B3GALT1: variants seen among roughly 807,000 people sequenced by gnomAD.
The protein encoded by B3GALT1 is UDP-Gal:betaGlcNAc beta 1,3-galactosyltransferase, polypeptide 1.
In B3GALT1, 10 loss-of-function variants were observed where a neutral mutation model predicts 23.2. That is an observed-to-expected ratio of 0.43 (90% CI 0.27 to 0.73). B3GALT1 has a LOEUF of 0.73. Ranked by LOEUF, B3GALT1 falls within the 30% of genes least tolerant of loss-of-function variation. B3GALT1 has a pLI of 0.21. For missense variants in B3GALT1, 299 were observed against 405.4 expected (o/e 0.74, Z 2.25); for synonymous variants, 156 against 141.5 (o/e 1.10, Z -0.73).
intron 3 of B3GALT1, among the ~76,000 whole-genome samples, chr2:167,801,624 A>G (rs1222068261): frequency 6.6e-6 from 1 of 152,200 alleles, no homozygotes; most frequent in Non-Finnish European, 1.5e-5. Flanking sequence ...ATGCATTATT[A>G]AAATCTGACT....
At chr2:167,306,739 A>T (rs1198919950) in intron 1 of B3GALT1, among the ~76,000 whole-genome samples, 1 of 151,986 alleles carries the variant, frequency 6.6e-6, no homozygotes, top group Non-Finnish European at 1.5e-5. Context: ...ATTTCTCATG[A>T]TATTCTTTTT....
intron 3 of B3GALT1, among the ~76,000 whole-genome samples, chr2:167,739,234 A>T (rs1280813842): frequency 1.3e-5 from 2 of 152,180 alleles, no homozygotes; most frequent in African/African-American, 4.8e-5. Context: ...AACACCTGTA[A>T]TTTCTGAATT....
At chr2:167,839,497 A>T (rs1432632245) in intron 4 of B3GALT1, among the ~76,000 whole-genome samples, 1 of 152,216 alleles carries the variant, frequency 6.6e-6, no homozygotes, top group Non-Finnish European at 1.5e-5. Context: ...CTTCAAGGAG[A>T]ACTACAAACC....
intron 2 of B3GALT1, among the ~76,000 whole-genome samples, chr2:167,552,117 T>C (rs191284852): frequency 2.1e-4 from 32 of 152,270 alleles, no homozygotes; most frequent in African/African-American, 6.7e-4. Context: ...AAATTCTCAG[T>C]ATTGGAAGCA....
At chr2:167,706,304 C>A (rs1457333955) in intron 3 of B3GALT1, among the ~76,000 whole-genome samples, 1 of 152,124 alleles carries the variant, frequency 6.6e-6, no homozygotes, top group Admixed American at 6.5e-5. Context: ...GGATGATGTA[C>A]CTTGATTAAT....
intron 3 of B3GALT1, among the ~76,000 whole-genome samples, chr2:167,678,551 C>G (rs1686469743): frequency 6.7e-6 from 1 of 149,928 alleles, no homozygotes; most frequent in African/African-American, 2.4e-5. Flanking sequence ...TCTTACAATA[C>G]CCACCACTCA....
chr2:167,707,589 G>A (rs1686985059), intron 3 of B3GALT1, among the ~76,000 whole-genome samples: 2 of 151,876 alleles, frequency 1.3e-5, no homozygotes, highest in Admixed American at 6.6e-5. Context: ...CAGAAATGGT[G>A]GAGTCCTTCT....
chr2:167,484,443 G>C (rs1699597519), intron 1 of B3GALT1, among the ~76,000 whole-genome samples: 1 of 152,124 alleles, frequency 6.6e-6, no homozygotes, highest in African/African-American at 2.4e-5. Flanking sequence ...CATTCTAGTG[G>C]GACAGAACTT....
chr2:167,571,279 A>C (rs1227137), intron 2 of B3GALT1, among the ~76,000 whole-genome samples: 2 of 151,706 alleles, frequency 1.3e-5, no homozygotes, highest in Non-Finnish European at 3.0e-5. Context: ...ATTCTGTAGT[A>C]GGGGAATCCC....
intron 2 of B3GALT1, among the ~76,000 whole-genome samples, chr2:167,512,123 C>T (rs1700013205): frequency 6.6e-6 from 1 of 151,980 alleles, no homozygotes; most frequent in Admixed American, 6.6e-5. Flanking sequence ...CACTTTGTAT[C>T]ACAGTAAAAG....
chr2:167,763,344 T>A (rs1273108051), intron 3 of B3GALT1, among the ~76,000 whole-genome samples: 2 of 152,188 alleles, frequency 1.3e-5, no homozygotes, highest in Admixed American at 1.3e-4. Flanking sequence ...TGGAAGGGCA[T>A]AAAGGGACAA....
rs761300250 is a variant in B3GALT1 at position 167,869,885 on chromosome 2, C to G, written c.846C>G (p.Asn282Lys). ...AGCTGGGCATACATCCTTTCCAGAA[C>G]AGTGGCTTCAATCACTGGAAAATGG... ...LRKLGIHPFQ[N>K]SGFNHWKMAY... is the part of the protein sequence containing the mutation. The change falls in exon 5 of 5, where the codon AAC becomes AAG. Residue 282 changes from asparagine (N) to lysine (K), a missense_variant. Physicochemically the swap from Asn to Lys is moderately conservative, Grantham distance 94. Around this residue, in one of 3 missense-constraint regions of B3GALT1, gnomAD observed 133 missense variants for 204.8 expected, o/e 0.65. Transcript: ENST00000392690. The surrounding 1 kb of genome is among the most constrained non-coding windows in gnomAD (Gnocchi z 6.4). 1 of 1,614,056 alleles carries G rather than the reference C, an allele frequency of 6.2e-7. No individual in the cohort carries two copies. Among genetic ancestry groups the G allele is most frequent in the Non-Finnish European group, 8.5e-7 (1 of 1,180,038 alleles).
intron 3 of B3GALT1, among the ~76,000 whole-genome samples, chr2:167,781,083 A>G (rs1452143605): frequency 6.6e-6 from 1 of 152,220 alleles, no homozygotes; most frequent in Non-Finnish European, 1.5e-5. Context: ...GTTGAGGAAG[A>G]ACACCCCTCA....
At chr2:167,823,944 A>T (rs1018278137) in intron 4 of B3GALT1, among the ~76,000 whole-genome samples, 1 of 152,234 alleles carries the variant, frequency 6.6e-6, no homozygotes, top group East Asian at 1.9e-4. Flanking sequence ...ATTCTTAGCT[A>T]TTATTATTTG....
At chr2:167,865,014 T>C (rs1052338520) in intron 4 of B3GALT1, among the ~76,000 whole-genome samples, 1 of 152,162 alleles carries the variant, frequency 6.6e-6, no homozygotes, top group Admixed American at 6.5e-5. Context: ...CTCCTCTGTT[T>C]CTGTTATATT....
chr2:167,722,060 G>A (rs778517599), intron 3 of B3GALT1, among the ~76,000 whole-genome samples: 1 of 152,024 alleles, frequency 6.6e-6, no homozygotes, highest in Non-Finnish European at 1.5e-5. Flanking sequence ...TGCTTTTGTT[G>A]AAGAAATTTA....
chr2:167,691,664 A>G (rs926286360), intron 3 of B3GALT1, among the ~76,000 whole-genome samples: 11 of 152,290 alleles, frequency 7.2e-5, no homozygotes, highest in Middle Eastern at 3.4e-3. Context: ...GATTTGCTAA[A>G]TAAATGTTGT....
At chr2:167,470,465 G>A (rs1699407077) in intron 1 of B3GALT1, among the ~76,000 whole-genome samples, 1 of 151,982 alleles carries the variant, frequency 6.6e-6, no homozygotes, top group African/African-American at 2.4e-5. Flanking sequence ...CAATTTATTG[G>A]AATACTGTAA....
intron 2 of B3GALT1, among the ~76,000 whole-genome samples, chr2:167,496,026 A>G (rs1699778711): frequency 6.6e-6 from 1 of 152,202 alleles, no homozygotes; most frequent in Admixed American, 6.5e-5. Flanking sequence ...CAGTCATGGG[A>G]CCACATGTAC....
Sources: allele counts gnomAD v4.1 joint callset (sites outside exome capture counted in the v4.1 genomes callset), GRCh38; gene constraint gnomAD v4.1.1; regional missense constraint gnomAD v4.1.1; non-coding constraint Gnocchi (gnomAD v3.1); transcripts MANE v1.5; gene names NCBI Gene and HGNC (gene_info 2026-07-23, HGNC 2026-07-21).